CACNA2D3: variants seen among roughly 807,000 people sequenced by gnomAD.
CACNA2D3 encodes the protein calcium voltage-gated channel auxiliary subunit alpha2delta 3.
A neutral mutation model predicts 160.6 loss-of-function variants in CACNA2D3; 60 were observed. The ratio of observed to expected loss-of-function variants is 0.37; its 90% CI spans 0.30 to 0.46. The LOEUF (loss-of-function observed/expected upper bound fraction) is 0.46. Ranked by LOEUF, CACNA2D3 falls within the 20% of genes least tolerant of loss-of-function variation. The pLI is 1.00. For missense variants in CACNA2D3, 1,205 were observed against 1,365.0 expected (o/e 0.88, Z 1.85); for synonymous variants, 558 against 492.9 (o/e 1.13, Z -1.75).
In CACNA2D3 at chr3:54,570,027, C is replaced by G. The variant is rs749577299; in HGVS notation, c.811C>G (p.Arg271Gly). ...VDVSGSMKGL[R>G]LTIAKQTVSS... ...CGTCAGTGGCAGCATGAAAGGACTC[C>G]GTCTGACTATCGCGAAGCAAACAGT... is the stretch of plus-strand genomic sequence containing the variant. Residue 271 changes from arginine to glycine, a missense_variant, in exon 8 of 38, where the codon CGT (arginine) becomes GGT (glycine). By Grantham distance (125) the Arg-to-Gly change is moderately radical. This residue lies in a region of CACNA2D3 where 131 missense variants were observed against 201.5 expected (regional missense o/e 0.65). Transcript: ENST00000474759. 1 of 1,613,864 alleles carries G rather than the reference C, an allele frequency of 6.2e-7. No homozygotes were observed. The highest frequency in any genetic ancestry group is 8.5e-7 in the Non-Finnish European group (1 of 1,179,852).
chr3:54,311,123 C>T (rs187253053), intron 2 of CACNA2D3, among the ~76,000 whole-genome samples: 1 of 152,306 alleles, frequency 6.6e-6, no homozygotes, highest in East Asian at 1.9e-4. Flanking sequence ...AGCAGCACAG[C>T]AGCAATATTG....
chr3:54,951,460 G>GC, intron 27 of CACNA2D3, among the ~76,000 whole-genome samples: 2 of 152,358 alleles, frequency 1.3e-5, no homozygotes, highest in Middle Eastern at 6.8e-3. Flanking sequence ...TTGGTGTGCG[G>GC]CCCGGGGGCA....
chr3:54,556,322 C>T (rs1468276355), intron 5 of CACNA2D3, among the ~76,000 whole-genome samples: 1 of 152,006 alleles, frequency 6.6e-6, no homozygotes, highest in Non-Finnish European at 1.5e-5. Context: ...GACACAGAGA[C>T]ACACAGAAGG....
chr3:54,310,040 C>T (rs535685847), intron 2 of CACNA2D3, among the ~76,000 whole-genome samples: 1 of 152,092 alleles, frequency 6.6e-6, no homozygotes, highest in South Asian at 2.1e-4. Flanking sequence ...AGAAAAATTG[C>T]ATTCCTCAAG....
At chr3:54,660,110 T>A (rs559998399) in intron 11 of CACNA2D3, among the ~76,000 whole-genome samples, 1 of 152,206 alleles carries the variant, frequency 6.6e-6, no homozygotes, top group Admixed American at 6.5e-5. Context: ...TTCCATGTCA[T>A]TGGGTCCTCA....
At chr3:54,624,349 C>T (rs1699049555) in intron 9 of CACNA2D3, among the ~76,000 whole-genome samples, 1 of 152,074 alleles carries the variant, frequency 6.6e-6, no homozygotes, top group South Asian at 2.1e-4. Context: ...TAGGCTGGGC[C>T]CGGTGGCTCA....
rs982085890 is a variant in CACNA2D3, at chr3:54,715,932, A to G, written c.1168-36667A>G. Among the ~76,000 whole-genome samples, 6 of 152,294 alleles carry G rather than the reference A, an allele frequency of 3.9e-5. No homozygotes were observed. The East Asian group carries it at 1.2e-3, about 29-fold the overall frequency. On this transcript the variant is annotated intron_variant, in intron 11 of 37. Transcript: ENST00000474759. ...GAATTGAAGTCATGTTGATCAGGGT[A>G]CAAACTTGCAGTTAGAAGATTAATA...
At chr3:54,437,406 C>A (rs143476857) in intron 4 of CACNA2D3, among the ~76,000 whole-genome samples, 4 of 152,146 alleles carry the variant, frequency 2.6e-5, no homozygotes, top group African/African-American at 9.7e-5. Flanking sequence ...TTGAATTTTT[C>A]TAAGTAAAAT....
intron 12 of CACNA2D3, among the ~76,000 whole-genome samples, chr3:54,756,431 G>A (rs1701972780): frequency 6.6e-6 from 1 of 152,106 alleles, no homozygotes; most frequent in African/African-American, 2.4e-5. Context: ...TTCTTCTATG[G>A]TCATTAATTA....
intron 3 of CACNA2D3, among the ~76,000 whole-genome samples, chr3:54,364,378 G>C (rs1278798494): frequency 2.0e-5 from 3 of 152,290 alleles, no homozygotes; most frequent in Middle Eastern, 3.4e-3. Flanking sequence ...AATTATTCTT[G>C]TGCCTCTTAA....
intron 14 of CACNA2D3, among the ~76,000 whole-genome samples, chr3:54,829,206 G>T (rs890970515): frequency 1.3e-5 from 2 of 152,174 alleles, no homozygotes; most frequent in Admixed American, 6.5e-5. Context: ...CGTTTCAGTG[G>T]ATTTTCACCT....
chr3:54,161,353 C>G (rs1700340994), intron 2 of CACNA2D3, among the ~76,000 whole-genome samples: 1 of 152,182 alleles, frequency 6.6e-6, no homozygotes, highest in African/African-American at 2.4e-5. Context: ...AAGGAGACAG[C>G]AGTCTTAGCC....
intron 2 of CACNA2D3, among the ~76,000 whole-genome samples, chr3:54,251,148 G>T (rs1421239847): frequency 1.3e-5 from 2 of 152,150 alleles, no homozygotes. Flanking sequence ...AGGAGGTTCA[G>T]CTGGGTTTGG....
chr3:54,777,540 A>G (rs1446590655), intron 13 of CACNA2D3, among the ~76,000 whole-genome samples: 1 of 152,218 alleles, frequency 6.6e-6, no homozygotes, highest in Non-Finnish European at 1.5e-5. Flanking sequence ...AATTTTCATT[A>G]TGTTTAATCT....
At chr3:54,657,730 C>T (rs1699899523) in intron 11 of CACNA2D3, among the ~76,000 whole-genome samples, 1 of 152,060 alleles carries the variant, frequency 6.6e-6, no homozygotes, top group Non-Finnish European at 1.5e-5. Flanking sequence ...GGGTAAGATT[C>T]CATTGTATGT....
At chr3:55,068,771 G>C (rs1049966406) in intron 35 of CACNA2D3, among the ~76,000 whole-genome samples, 1 of 152,032 alleles carries the variant, frequency 6.6e-6, no homozygotes, top group Non-Finnish European at 1.5e-5. Context: ...GGACATTTAG[G>C]TGGGGTTTTT....
intron 2 of CACNA2D3, among the ~76,000 whole-genome samples, chr3:54,292,946 G>GT (rs1341479187): frequency 2.0e-5 from 3 of 152,112 alleles, no homozygotes; most frequent in African/African-American, 7.2e-5. Flanking sequence ...CAACAGATGA[G>GT]TGAATTAATA....
chr3:54,710,800 G>C (rs72872244), intron 11 of CACNA2D3, among the ~76,000 whole-genome samples: 25,306 of 152,182 alleles, frequency 0.17, 2,385 homozygotes, highest in Non-Finnish European at 0.21. Context: ...TACATTTTAA[G>C]TATGTTTAGA....
intron 8 of CACNA2D3, among the ~76,000 whole-genome samples, chr3:54,571,886 A>C (rs1702504770): frequency 6.6e-6 from 1 of 152,154 alleles, no homozygotes; most frequent in African/African-American, 2.4e-5. Context: ...CACCTTGCCC[A>C]CAGGGTTGCT....
Sources: gnomAD v4.1 joint callset for allele counts (sites outside exome capture counted in the v4.1 genomes callset) on GRCh38, gnomAD v4.1.1 for gene constraint, gnomAD v4.1.1 regional missense constraint, MANE v1.5 for transcripts, NCBI Gene and HGNC (gene_info 2026-07-23, HGNC 2026-07-21) for gene names.